Variants in LINGO2 observed in about 807,000 individuals in gnomAD.
The protein encoded by LINGO2 is leucine rich repeat and Ig domain containing 2.
Under a neutral mutation model 30.6 loss-of-function variants are expected in LINGO2, and 14 were observed. The observed-to-expected ratio is 0.46, with a 90% confidence interval of 0.30 to 0.72. The LOEUF (loss-of-function observed/expected upper bound fraction) is 0.72. Ranked by LOEUF, LINGO2 falls within the 30% of genes least tolerant of loss-of-function variation. The probability of loss-of-function intolerance (pLI) is 0.07; values close to 1 mark genes in which losing one functional copy is unlikely to be tolerated. For synonymous variants in LINGO2, 317 were observed against 288.5 expected, an observed-to-expected ratio of 1.10 and a Z score of -1.00; for missense variants, 729 against 751.7, an observed-to-expected ratio of 0.97 and a Z score of 0.35.
intron 4 of LINGO2, among the ~76,000 whole-genome samples, chr9:28,173,830 G>A (rs1016471138): frequency 3.3e-5 from 5 of 152,150 alleles, no homozygotes; most frequent in Admixed American, 3.3e-4. Flanking sequence ...TGAGCCACTG[G>A]AATTTTCCCA....
At chr9:29,089,704 T>C in the LINGO2 span, among the ~76,000 whole-genome samples, 1 of 152,076 alleles carries the variant, frequency 6.6e-6, no homozygotes, top group Non-Finnish European at 1.5e-5. Flanking sequence ...TAAATACAAC[T>C]CAGTAAATAT....
the LINGO2 span, among the ~76,000 whole-genome samples, chr9:28,769,116 C>A: frequency 1.3e-5 from 2 of 151,590 alleles, no homozygotes; most frequent in Non-Finnish European, 2.9e-5. Context: ...TTCATTCTCC[C>A]TCCCATTTTT....
chr9:29,156,338 C>T, the LINGO2 span, among the ~76,000 whole-genome samples: 1 of 152,184 alleles, frequency 6.6e-6, no homozygotes, highest in South Asian at 2.1e-4. Flanking sequence ...TCCCTAAGAA[C>T]TGACAAGTTA....
chr9:29,001,242 C>T, the LINGO2 span, among the ~76,000 whole-genome samples: 3 of 151,876 alleles, frequency 2.0e-5, no homozygotes, highest in South Asian at 6.2e-4. Flanking sequence ...AAATCTACTC[C>T]ATCATTATAG....
At chr9:28,264,647 T>C (rs1822682456) in intron 4 of LINGO2, among the ~76,000 whole-genome samples, 1 of 151,906 alleles carries the variant, frequency 6.6e-6, no homozygotes, top group African/African-American at 2.4e-5. Context: ...GTTTTGGGAA[T>C]GGGACACACT....
chr9:29,211,999 A>G, the LINGO2 span, among the ~76,000 whole-genome samples: 1 of 151,928 alleles, frequency 6.6e-6, no homozygotes, highest in Admixed American at 6.6e-5. Flanking sequence ...ACTCTCTCTC[A>G]CCCTTCACTC....
At chr9:28,133,961 A>G (rs998012764) in intron 4 of LINGO2, among the ~76,000 whole-genome samples, 2 of 152,196 alleles carry the variant, frequency 1.3e-5, no homozygotes, top group Non-Finnish European at 2.9e-5. Context: ...GATATGTCCA[A>G]AAAGAACTCT....
chr9:28,085,532 A>G (rs1449249411), intron 4 of LINGO2, among the ~76,000 whole-genome samples: 1 of 152,152 alleles, frequency 6.6e-6, no homozygotes, highest in Non-Finnish European at 1.5e-5. Flanking sequence ...GTATCAGAAA[A>G]TAAACACTTG....
rs1039259465 is a variant in LINGO2, at chr9:28,632,693, T to C, written c.-365+37507A>G. ...AAATATCTATATAAAAATATATTTA[T>C]ATAGATCTATATATTTATATATAGA... On this transcript the variant is annotated intron_variant, in intron 1 of 5. Transcript: ENST00000379992. Among the ~76,000 whole-genome samples the C allele has an allele frequency of 4.7e-4, 65 of 139,098 alleles. 1 individual carries two copies. Among genetic ancestry groups the C allele is most frequent in the Non-Finnish European group, 8.0e-4 (52 of 64,908 alleles). 91.3% of individuals were successfully genotyped at this position (139,098 alleles called of 152,430 possible). A position where few individuals can be genotyped will look rare whatever the true frequency, so the allele number is the denominator to read the frequency against.
the LINGO2 span, among the ~76,000 whole-genome samples, chr9:29,171,174 T>C: frequency 6.6e-6 from 1 of 152,064 alleles, no homozygotes; most frequent in African/African-American, 2.4e-5. Context: ...GTCAGTAAAG[T>C]TCTACTGAGA....
chr9:28,455,206 A>C (rs2135092208), intron 2 of LINGO2, among the ~76,000 whole-genome samples: 1 of 152,130 alleles, frequency 6.6e-6, no homozygotes, highest in African/African-American at 2.4e-5. Context: ...TAAGGGACAA[A>C]AGACATTAAC....
chr9:28,108,026 C>G lies in LINGO2; in HGVS notation c.-86-95621G>C, dbSNP rs113037130. Among the ~76,000 whole-genome samples the G allele has an allele frequency of 6.0e-3, 913 of 152,180 alleles. 15 individuals carry two copies. The highest frequency in any genetic ancestry group is 0.021 in the African/African-American group (866 of 41,548). On this transcript the variant is annotated intron_variant, in intron 4 of 5. Coordinates refer to ENST00000379992, the Ensembl canonical transcript of LINGO2. The stretch of plus-strand genomic sequence containing the variant: ...CACAGATATGAAAATAATAGCAGTG[C>G]AAGTTCACTGATGCTCAGACACAAA...
intron 1 of LINGO2, among the ~76,000 whole-genome samples, chr9:28,657,806 T>C (rs1828420099): frequency 6.6e-6 from 1 of 152,006 alleles, no homozygotes; most frequent in Non-Finnish European, 1.5e-5. Context: ...GTTTTGTTTG[T>C]TCTTCTTTTT....
the LINGO2 span, among the ~76,000 whole-genome samples, chr9:28,989,486 T>C: frequency 4.6e-5 from 7 of 152,262 alleles, no homozygotes; most frequent in African/African-American, 1.4e-4. Context: ...AGGTAACATA[T>C]TAGAAAGGAT....
intron 4 of LINGO2, among the ~76,000 whole-genome samples, chr9:28,187,062 T>C (rs1400092208): frequency 6.6e-6 from 1 of 152,120 alleles, no homozygotes; most frequent in Non-Finnish European, 1.5e-5. Context: ...GGCAGACCAG[T>C]TAGGAGACTA....
chr9:29,076,990 C>T, the LINGO2 span, among the ~76,000 whole-genome samples: 1 of 152,086 alleles, frequency 6.6e-6, no homozygotes, highest in African/African-American at 2.4e-5. Context: ...CCATGCTCCT[C>T]CTACTATGGT....
chr9:28,094,501 G>C lies in LINGO2; in HGVS notation c.-86-82096C>G, dbSNP rs111999014. On this transcript the variant is annotated intron_variant, in intron 4 of 5. Transcript: ENST00000379992. ...ATTTTGCATGATGAAGCAATAGAGA[G>C]AGAAAGGGGATATGTGTGTGTGTGT... 6.3e-3 allele frequency among the ~76,000 whole-genome samples: 951 copies of C among 150,792 alleles called. 13 individuals are homozygous for C. The highest frequency in any genetic ancestry group is 0.022 in the African/African-American group (899 of 40,766).
the LINGO2 span, among the ~76,000 whole-genome samples, chr9:28,891,941 C>T: frequency 2.0e-5 from 3 of 151,840 alleles, no homozygotes; most frequent in East Asian, 5.8e-4. Context: ...TTTATAAACA[C>T]TCTAACATTA....
chr9:28,167,633 C>T (rs1369102870), intron 4 of LINGO2, among the ~76,000 whole-genome samples: 1 of 152,138 alleles, frequency 6.6e-6, no homozygotes, highest in East Asian at 1.9e-4. Flanking sequence ...GTAGTATGCC[C>T]CCTTTGGCCT....
Sources: gnomAD v4.1 joint callset for allele counts (sites outside exome capture counted in the v4.1 genomes callset) on GRCh38, gnomAD v4.1.1 for gene constraint, MANE v1.5 for transcripts, NCBI Gene and HGNC (gene_info 2026-07-23, HGNC 2026-07-21) for gene names.